Variants in ADAM12 observed in about 807,000 individuals in gnomAD.
ADAM12 encodes disintegrin and metalloproteinase domain-containing protein 12.
Under a neutral mutation model 106.4 loss-of-function variants are expected in ADAM12, and 70 were observed. That is an observed-to-expected ratio of 0.66 (90% CI 0.54 to 0.80). ADAM12 has a LOEUF of 0.80. Ranked by LOEUF, ADAM12 falls within the 30% of genes least tolerant of loss-of-function variation. The pLI, the probability that ADAM12 is intolerant of heterozygous loss-of-function variation, is 0.00. For synonymous variants in ADAM12, 420 were observed against 433.5 expected (o/e 0.97, Z 0.39); for missense variants, 1,010 against 1,171.9 (o/e 0.86, Z 2.02).
At chr10:126,166,148 T>A (rs746517672) in intron 3 of ADAM12, among the ~76,000 whole-genome samples, 20 of 152,198 alleles carry the variant, frequency 1.3e-4, no homozygotes, top group Admixed American at 3.9e-4. Context: ...AAGTCACAAA[T>A]ACACAGAATT....
intron 11 of ADAM12, among the ~76,000 whole-genome samples, chr10:126,082,282 C>T (rs1489960469): frequency 6.6e-6 from 1 of 151,744 alleles, no homozygotes; most frequent in Non-Finnish European, 1.5e-5. Flanking sequence ...CTGGCCACAG[C>T]CAAGTCCAGG....
chr10:126,255,678 C>T (rs557192398), intron 3 of ADAM12, among the ~76,000 whole-genome samples: 5 of 152,310 alleles, frequency 3.3e-5, no homozygotes, highest in African/African-American at 4.8e-5. Flanking sequence ...ATGGGGACTT[C>T]GTCTTACCTT....
intron 2 of ADAM12, among the ~76,000 whole-genome samples, chr10:126,301,815 T>C (rs930023846): frequency 6.6e-6 from 1 of 152,214 alleles, no homozygotes; most frequent in Non-Finnish European, 1.5e-5. Flanking sequence ...ATTGCAGACA[T>C]TGCCCTTTAT....
At chr10:126,090,811 G>A (rs930334416) in intron 11 of ADAM12, 2 of 152,196 alleles carry the variant, frequency 1.3e-5, no homozygotes, top group South Asian at 4.1e-4. Context: ...TTCAGAGTTA[G>A]GATTCTGGAA....
chr10:126,058,158 C>T (rs565311071), intron 14 of ADAM12, among the ~76,000 whole-genome samples: 1 of 152,230 alleles, frequency 6.6e-6, no homozygotes, highest in Non-Finnish European at 1.5e-5. Flanking sequence ...TTTCCCTCCT[C>T]CCAAGGTTGT....
intron 3 of ADAM12, among the ~76,000 whole-genome samples, chr10:126,208,914 A>G (rs1303388375): frequency 1.3e-5 from 2 of 150,906 alleles, no homozygotes; most frequent in Admixed American, 6.6e-5. Context: ...CCTAGCCTAT[A>G]CAAATTGAGC....
chr10:126,332,123 T>G (rs1365778892), intron 1 of ADAM12, among the ~76,000 whole-genome samples: 1 of 152,198 alleles, frequency 6.6e-6, no homozygotes, highest in African/African-American at 2.4e-5. Context: ...ACGGGCCAGT[T>G]GTGTCCCACG....
intron 5 of ADAM12, among the ~76,000 whole-genome samples, chr10:126,127,026 C>T (rs1017653070): frequency 3.3e-5 from 5 of 152,178 alleles, no homozygotes; most frequent in Non-Finnish European, 7.3e-5. Context: ...GCAAAACCAC[C>T]GTGGCTGGTG....
At position 126,017,108 on chromosome 10, in the gene ADAM12, A is replaced by AG; in HGVS notation, c.*170dup. The AG allele has an allele frequency of 1.7e-6, 1 of 575,706 alleles. No individual in the cohort carries two copies. The highest frequency in any genetic ancestry group is 3.1e-6 in the Non-Finnish European group (1 of 326,970). 35.7% of individuals were successfully genotyped at this position (575,706 alleles called of 1,614,324 possible). A position where few individuals can be genotyped will look rare whatever the true frequency, so the allele number is the denominator to read the frequency against. On this transcript the variant is annotated 3_prime_UTR_variant, in exon 23 of 23. Coordinates refer to ENST00000448723, the MANE Select transcript of ADAM12 (RefSeq NM_001288973.2). Reference sequence around the variant, plus strand: ...ATAATTTACAAGTACCTGAGCAAGTAGACAGAGCACCATAGCACAGCACAG... The same window carrying AG: ...ATAATTTACAAGTACCTGAGCAAGTAGGACAGAGCACCATAGCACAGCACAG...
rs534148448 is a variant in ADAM12 at position 126,350,387 on chromosome 10, C to T, written c.89-19878G>A. ...GAAAATACACACCCACACACAGAGTCGGCCAAGCCCGAGTGAAGCAAGTTC... is the reference window on the plus strand; with the variant it reads ...GAAAATACACACCCACACACAGAGTTGGCCAAGCCCGAGTGAAGCAAGTTC... On this transcript the variant is annotated intron_variant, in intron 1 of 22. Transcript: ENST00000448723. 8.0e-4 allele frequency among the ~76,000 whole-genome samples: 122 copies of T among 152,306 alleles called. 2 individuals carry two copies. In the South Asian group the frequency reaches 0.023, roughly 28 times the overall value.
intron 11 of ADAM12, among the ~76,000 whole-genome samples, chr10:126,074,950 G>T (rs920103488): frequency 6.6e-6 from 1 of 152,124 alleles, no homozygotes; most frequent in African/African-American, 2.4e-5. Context: ...CCTGACCATG[G>T]GTGACAGCTC....
chr10:126,022,767 T>G (rs1953792568), intron 21 of ADAM12, among the ~76,000 whole-genome samples: 1 of 152,260 alleles, frequency 6.6e-6, no homozygotes, highest in Non-Finnish European at 1.5e-5. Flanking sequence ...TTTAAATCTA[T>G]TTTCATTTTA....
At chr10:126,260,633 G>A (rs1227235354) in intron 3 of ADAM12, among the ~76,000 whole-genome samples, 2 of 152,226 alleles carry the variant, frequency 1.3e-5, no homozygotes, top group Non-Finnish European at 2.9e-5. Context: ...AGGCTGTGAA[G>A]AAGGTAATGT....
At chr10:126,312,395 GA>G (rs1961148751) in intron 2 of ADAM12, among the ~76,000 whole-genome samples, 1 of 152,178 alleles carries the variant, frequency 6.6e-6, no homozygotes, top group South Asian at 2.1e-4. Context: ...CCTGAAGTGA[GA>G]ACCTGGCCGT....
At chr10:126,083,649 C>T (rs906668490) in intron 11 of ADAM12, among the ~76,000 whole-genome samples, 3 of 152,218 alleles carry the variant, frequency 2.0e-5, no homozygotes, top group African/African-American at 7.2e-5. Flanking sequence ...GAGGTGATAC[C>T]TGGGCCAGAT....
Position 126,189,960 on chromosome 10 carries a change from T to C in ADAM12, c.261-34655A>G, listed in dbSNP as rs575830555. The stretch of plus-strand genomic sequence containing the variant: ...CATCATCACTCAGTTCTTAATCCTG[T>C]AGACGTTTGTCTCTTTTCAGAAGAT... On this transcript the variant is annotated intron_variant, in intron 3 of 22. Transcript: ENST00000448723. 5.3e-5 allele frequency among the ~76,000 whole-genome samples: 8 copies of C among 152,260 alleles called. No homozygotes were observed. In the East Asian group the frequency reaches 9.7e-4, roughly 18 times the overall value.
intron 3 of ADAM12, among the ~76,000 whole-genome samples, chr10:126,241,780 G>A (rs1486931904): frequency 6.6e-6 from 1 of 152,146 alleles, no homozygotes; most frequent in Non-Finnish European, 1.5e-5. Context: ...CATGTGCATG[G>A]GATAAATATA....
At chr10:126,111,390 G>A (rs115139071) in intron 6 of ADAM12, among the ~76,000 whole-genome samples, 1 of 152,182 alleles carries the variant, frequency 6.6e-6, no homozygotes, top group Non-Finnish European at 1.5e-5. Context: ...CCTTCTGAAA[G>A]TGTGAAGATC....
chr10:126,373,640 T>C (rs1345224298), intron 1 of ADAM12, among the ~76,000 whole-genome samples: 1 of 152,228 alleles, frequency 6.6e-6, no homozygotes, highest in Non-Finnish European at 1.5e-5. Context: ...AACAAATGTG[T>C]TGACTAAAAG....
Sources: allele counts gnomAD v4.1 joint callset (sites outside exome capture counted in the v4.1 genomes callset), GRCh38; gene constraint gnomAD v4.1.1; transcripts MANE v1.5; gene names NCBI Gene and HGNC (gene_info 2026-07-23, HGNC 2026-07-21).